PDXK: variants seen among roughly 807,000 people sequenced by gnomAD.
The protein encoded by PDXK is epididymis secretory sperm binding protein Li 1a.
A neutral mutation model predicts 43.2 loss-of-function variants in PDXK; 15 were observed. The observed-to-expected ratio is 0.35, with a 90% confidence interval of 0.23 to 0.53. PDXK has a LOEUF of 0.53. PDXK is among the 20% of genes least tolerant of loss of function. PDXK has a pLI of 0.92. For missense variants in PDXK, 343 were observed against 417.0 expected (o/e 0.82, Z 1.54); for synonymous variants, 172 against 165.4 (o/e 1.04, Z -0.31).
At position 43,737,767 on chromosome 21, in the gene PDXK, G is replaced by A; in HGVS notation, c.142+3644G>A. 1.0e-6 allele frequency: 1 copy of A among 985,386 alleles called. No homozygotes were observed. The highest frequency in any genetic ancestry group is 1.7e-5 in the African/African-American group (1 of 57,348). 61.0% of individuals were successfully genotyped at this position (985,386 alleles called of 1,614,324 possible). On this transcript the variant is annotated intron_variant, in intron 2 of 10. Transcript: ENST00000291565. The surrounding 1 kb of genome is among the most constrained non-coding windows in gnomAD (Gnocchi z 4.8). The stretch of plus-strand genomic sequence containing the variant: ...GGGCCAGGCCGGGCCAGACTCCCTG[G>A]CCGGCTGGGATCTGACAGGAGTGCC...
rs981883203 is a variant in PDXK, at chr21:43,735,412, G to A, written c.142+1289G>A. 2.0e-5 allele frequency among the ~76,000 whole-genome samples: 3 copies of A among 152,226 alleles called. No homozygotes were observed. Among genetic ancestry groups the A allele is most frequent in the African/African-American group, 7.2e-5 (3 of 41,462 alleles). On this transcript the variant is annotated intron_variant, in intron 2 of 10. Transcript: ENST00000291565. The surrounding 1 kb of genome is among the most constrained non-coding windows in gnomAD (Gnocchi z 5.3). ...GGATTCCAGGTTGCGGGAGGGCCCC[G>A]GGCTTTGGCAATGCCTTCCAGGCTT...
At chr21:43,750,085 C>T (rs1477766074) in intron 6 of PDXK, among the ~76,000 whole-genome samples, 1 of 152,198 alleles carries the variant, frequency 6.6e-6, no homozygotes, top group Non-Finnish European at 1.5e-5. Flanking sequence ...CTGACCTGGG[C>T]CTGTCCAAAC....
At chr21:43,752,260 G>A (rs2083766267) in intron 7 of PDXK, among the ~76,000 whole-genome samples, 1 of 152,246 alleles carries the variant, frequency 6.6e-6, no homozygotes, top group Admixed American at 6.5e-5. Context: ...CACCCCCCAA[G>A]GGGGAGGCCC....
At chr21:43,742,682 G>C (rs1488951634) in intron 3 of PDXK, among the ~76,000 whole-genome samples, 2 of 152,074 alleles carry the variant, frequency 1.3e-5, no homozygotes, top group Non-Finnish European at 2.9e-5. Context: ...TTCAAAACCA[G>C]CCTGAGCGGC....
intron 9 of PDXK, chr21:43,755,476 G>C: frequency 1.7e-6 from 1 of 581,582 alleles, no homozygotes; most frequent in Non-Finnish European, 3.1e-6. Context: ...GTCCAGAGCA[G>C]GTAGCTGGGA....
rs2083890458 is a variant in PDXK at position 43,758,711 on chromosome 21, GAGA to G, written c.*2653_*2655del. On this transcript the variant is annotated 3_prime_UTR_variant, in exon 11 of 11. Coordinates refer to ENST00000291565, the MANE Select transcript of PDXK (RefSeq NM_003681.5). ...CATAGTTAATAACATGCAAAATAAT[GAGA>G]AGAATTTATTTTAAGGTGACAGCTA... 6.5e-6 allele frequency: 1 copy of G among 152,932 alleles called. No homozygotes were observed. Among genetic ancestry groups the G allele is most frequent in the African/African-American group, 2.4e-5 (1 of 41,466 alleles). The allele number at this position is 152,932 out of a possible 1,614,324, so 9.5% of individuals were successfully genotyped here.
chr21:43,719,458 G>A, intron 1 of PDXK, 77 bp downstream of exon 1: 1 of 1,408,790 alleles, frequency 7.1e-7, no homozygotes. Flanking sequence ...ACGAGCCTCA[G>A]TTCCCCGAGG....
rs932573691 is a variant in PDXK at position 43,759,245 on chromosome 21, T to A, written c.*3182T>A. 1 of 153,336 alleles carries A rather than the reference T, an allele frequency of 6.5e-6. No individual in the cohort carries two copies. The highest frequency in any genetic ancestry group is 1.5e-5 in the Non-Finnish European group (1 of 68,064). 9.5% of individuals were successfully genotyped at this position (153,336 alleles called of 1,614,324 possible). On this transcript the variant is annotated 3_prime_UTR_variant, in exon 11 of 11. Coordinates refer to ENST00000291565, the MANE Select transcript of PDXK (RefSeq NM_003681.5). Reference sequence around the variant, plus strand: ...ACAGTAGGTGCACGGTGCAAGGCCCTGGGAGGGCACTGGCCAGGGAAGGTG... The same window carrying A: ...ACAGTAGGTGCACGGTGCAAGGCCCAGGGAGGGCACTGGCCAGGGAAGGTG...
intron 1 of PDXK, among the ~76,000 whole-genome samples, chr21:43,729,834 C>G (rs2083295360): frequency 5.9e-5 from 9 of 152,046 alleles, no homozygotes; most frequent in Admixed American, 5.2e-4. Context: ...GTCCCAGCTA[C>G]TCAGGAGGCT....
intron 1 of PDXK, among the ~76,000 whole-genome samples, chr21:43,727,841 C>T (rs911334295): frequency 6.6e-6 from 1 of 152,292 alleles, no homozygotes; most frequent in Admixed American, 6.5e-5. Flanking sequence ...TGGGGGTGGA[C>T]GGGGCCCGAG....
intron 7 of PDXK, among the ~76,000 whole-genome samples, chr21:43,751,464 G>A (rs1218153015): frequency 5.3e-5 from 8 of 152,192 alleles, no homozygotes; most frequent in Admixed American, 2.6e-4. Flanking sequence ...CAGGAGAATC[G>A]CTTGAAGCCA....
At chr21:43,728,809 C>G (rs139425672) in intron 1 of PDXK, 2 of 985,598 alleles carry the variant, frequency 2.0e-6, no homozygotes, top group Non-Finnish European at 2.4e-6. Context: ...TCGGAGAGCT[C>G]CTGCGGTCCA....
chr21:43,736,865 C>T (rs757530133), intron 2 of PDXK: 11 of 694,554 alleles, frequency 1.6e-5, no homozygotes, highest in Non-Finnish European at 2.6e-5. Context: ...ACTCCTTGGG[C>T]TCAAGCGATC....
rs2083425051 is a variant in PDXK, at chr21:43,737,485, G to A, written c.142+3362G>A. On this transcript the variant is annotated intron_variant, in intron 2 of 10. Transcript: ENST00000291565. This position sits in a 1 kb window ranked among gnomAD's most constrained non-coding sequence, Gnocchi z 4.8. ...TCCCTGTCTGAGCTTCCCGGACTGA[G>A]GGCACTGGGAAGGAGCCTGCGGAGC... is the stretch of plus-strand genomic sequence containing the variant. 1 of 1,051,148 alleles carries A rather than the reference G, an allele frequency of 9.5e-7. No individual in the cohort carries two copies. The highest frequency in any genetic ancestry group is 3.1e-5 in the South Asian group (1 of 32,688). The allele number at this position is 1,051,148 out of a possible 1,614,324, so 65.1% of individuals were successfully genotyped here. A position where few individuals can be genotyped will look rare whatever the true frequency, so the allele number is the denominator to read the frequency against.
intron 7 of PDXK, among the ~76,000 whole-genome samples, chr21:43,751,575 A>AG (rs1248990576): frequency 6.6e-6 from 1 of 152,166 alleles, no homozygotes; most frequent in African/African-American, 2.4e-5. Context: ...AAAACAAAAC[A>AG]AAACAGAACT....
intron 1 of PDXK, 183 bp downstream of exon 1, chr21:43,719,564 G>A: frequency 1.0e-6 from 1 of 975,788 alleles, no homozygotes; most frequent in South Asian, 4.7e-5. Context: ...GGGCGGAAGC[G>A]GAGGGCTGAG....
Position 43,734,214 on chromosome 21 carries a change from G to A in PDXK, c.142+91G>A. Reference sequence around the variant, plus strand: ...GGGTGTGAGGGACGGGGCGGAGTGTGGGTGTGAGGGACGGGGCTTTCGTGT... The same window carrying A: ...GGGTGTGAGGGACGGGGCGGAGTGTAGGTGTGAGGGACGGGGCTTTCGTGT... On this transcript the variant is annotated intron_variant, in intron 2 of 10. Coordinates refer to ENST00000291565, the MANE Select transcript of PDXK (RefSeq NM_003681.5). This position sits in a 1 kb window ranked among gnomAD's most constrained non-coding sequence, Gnocchi z 5.0. 1 of 1,204,800 alleles carries A rather than the reference G, an allele frequency of 8.3e-7. No individual in the cohort carries two copies. Among genetic ancestry groups the A allele is most frequent in the Non-Finnish European group, 1.2e-6 (1 of 823,164 alleles). The allele number at this position is 1,204,800 out of a possible 1,614,324, so 74.6% of individuals were successfully genotyped here.
rs1211389346 is a variant in PDXK, at chr21:43,737,879, C to T, written c.142+3756C>T. The T allele has an allele frequency of 1.0e-6, 1 of 985,472 alleles. No homozygotes were observed. The highest frequency in any genetic ancestry group is 1.2e-6 in the Non-Finnish European group (1 of 829,938). The allele number at this position is 985,472 out of a possible 1,614,324, so 61.0% of individuals were successfully genotyped here. A position where few individuals can be genotyped will look rare whatever the true frequency, so the allele number is the denominator to read the frequency against. ...ATGAGTTGGACACAAGATCCAAGCG[C>T]CCTCCCCTGTTGGAGAAGGTTCTTG... On this transcript the variant is annotated intron_variant, in intron 2 of 10. Transcript: ENST00000291565. This position sits in a 1 kb window ranked among gnomAD's most constrained non-coding sequence, Gnocchi z 4.8.
intron 1 of PDXK, among the ~76,000 whole-genome samples, chr21:43,721,337 A>C (rs1327640579): frequency 6.6e-6 from 1 of 152,258 alleles, no homozygotes; most frequent in African/African-American, 2.4e-5. Flanking sequence ...GATTTTGATC[A>C]TCACATGTGG....
Sources: gnomAD v4.1 joint callset for allele counts (sites outside exome capture counted in the v4.1 genomes callset) on GRCh38, gnomAD v4.1.1 for gene constraint, Gnocchi (gnomAD v3.1) non-coding constraint, MANE v1.5 for transcripts, NCBI Gene and HGNC (gene_info 2026-07-23, HGNC 2026-07-21) for gene names.